The following GPR149 variants were observed in gnomAD, a reference collection of about 807,000 sequenced individuals.
GPR149 encodes probable G protein-coupled receptor 149.
A neutral mutation model predicts 50.2 loss-of-function variants in GPR149; 50 were observed. The observed-to-expected ratio is 1.00, with a 90% CI of 0.79 to 1.26. The LOEUF is 1.26. GPR149 is among the 50% of genes most tolerant of loss of function. GPR149 has a pLI of 0.00. For synonymous variants in GPR149, 405 were observed against 358.2 expected (o/e 1.13, Z -1.48); for missense variants, 983 against 895.4 (o/e 1.10, Z -1.25).
intron 3 of GPR149, among the ~76,000 whole-genome samples, chr3:154,398,363 C>A (rs1409628810): frequency 1.3e-5 from 2 of 152,112 alleles, no homozygotes; most frequent in African/African-American, 4.8e-5. Flanking sequence ...AATATCTTGA[C>A]TTTCTGAAAC....
chr3:154,375,216 T>C lies in GPR149; in HGVS notation c.1624-36945A>G, dbSNP rs1342404513. On this transcript the variant is annotated intron_variant, in intron 3 of 3. Coordinates refer to ENST00000389740, the MANE Select transcript of GPR149 (RefSeq NM_001038705.3). ...ATAGGAAACATTACCTTCAAAAATT[T>C]AACAAATGATTTGAGGACACTTTGT... 2.2e-4 allele frequency among the ~76,000 whole-genome samples: 33 copies of C among 152,190 alleles called. 1 individual carries two copies. The highest frequency in any genetic ancestry group is 5.9e-5 in the Non-Finnish European group (4 of 68,030).
chr3:154,345,309 C>A (rs1218497605), intron 3 of GPR149, among the ~76,000 whole-genome samples: 1 of 152,108 alleles, frequency 6.6e-6, no homozygotes, highest in Non-Finnish European at 1.5e-5. Context: ...ACAAGTACAT[C>A]AGAAGGTCAT....
chr3:154,393,552 T>C (rs986546737), intron 3 of GPR149, among the ~76,000 whole-genome samples: 1 of 151,970 alleles, frequency 6.6e-6, no homozygotes, highest in African/African-American at 2.4e-5. Flanking sequence ...CTACTTTTAT[T>C]CAGCATAGTA....
intron 3 of GPR149, among the ~76,000 whole-genome samples, chr3:154,340,809 C>T (rs1713773609): frequency 6.6e-6 from 1 of 152,130 alleles, no homozygotes; most frequent in South Asian, 2.1e-4. Context: ...GCAACCTCCA[C>T]CTCCTGGGTT....
chr3:154,427,388 C>A, intron 2 of GPR149, 128 bp downstream of exon 2: 1 of 667,764 alleles, frequency 1.5e-6, no homozygotes, highest in Non-Finnish European at 2.5e-6. Flanking sequence ...AATTTCTTCT[C>A]ACTATTTACC....
chr3:154,393,309 C>G (rs549724630), intron 3 of GPR149, among the ~76,000 whole-genome samples: 9 of 151,976 alleles, frequency 5.9e-5, no homozygotes, highest in Non-Finnish European at 1.0e-4. Context: ...ATACACCACA[C>G]TGACAGAATA....
chr3:154,369,278 G>GT (rs1394334528), intron 3 of GPR149, among the ~76,000 whole-genome samples: 4 of 152,184 alleles, frequency 2.6e-5, no homozygotes, highest in Non-Finnish European at 1.5e-5. Context: ...CCTTGCCACA[G>GT]TATTCCTTAC....
intron 2 of GPR149, among the ~76,000 whole-genome samples, chr3:154,423,684 A>C (rs962396483): frequency 3.3e-5 from 5 of 151,874 alleles, no homozygotes; most frequent in South Asian, 2.1e-4. Flanking sequence ...AAAACAACAT[A>C]GTTAATAATC....
At chr3:154,355,377 T>G (rs757586212) in intron 3 of GPR149, among the ~76,000 whole-genome samples, 14 of 152,330 alleles carry the variant, frequency 9.2e-5, no homozygotes, top group Non-Finnish European at 1.8e-4. Flanking sequence ...AATTCATACT[T>G]TTTAGCCCTG....
At chr3:154,339,195 C>T (rs1713725278) in intron 3 of GPR149, among the ~76,000 whole-genome samples, 2 of 152,120 alleles carry the variant, frequency 1.3e-5, no homozygotes, top group Admixed American at 6.6e-5. Context: ...GGTAACTTGT[C>T]AGAAATACAG....
At chr3:154,378,344 T>G (rs1714841471) in intron 3 of GPR149, among the ~76,000 whole-genome samples, 1 of 152,124 alleles carries the variant, frequency 6.6e-6, no homozygotes, top group Admixed American at 6.5e-5. Context: ...TCTGCCCACC[T>G]TGGGCTCCCA....
At chr3:154,340,067 C>A (rs1385667839) in intron 3 of GPR149, among the ~76,000 whole-genome samples, 1 of 152,058 alleles carries the variant, frequency 6.6e-6, no homozygotes, top group East Asian at 1.9e-4. Context: ...GCTGGGATTA[C>A]AGGCATGAGC....
At position 154,355,510 on chromosome 3, in the gene GPR149, G is replaced by A. The variant is rs72998635; in HGVS notation, c.1624-17239C>T. On this transcript the variant is annotated intron_variant, in intron 3 of 3. Coordinates refer to ENST00000389740, the MANE Select transcript of GPR149 (RefSeq NM_001038705.3). ...TTTCATTCTCTGTTCTAATAGAAAC[G>A]AAACCTCTAGTTTTATCTCTTAGAA... Among the ~76,000 whole-genome samples the A allele has an allele frequency of 5.7e-3, 874 of 152,246 alleles. 12 individuals are homozygous for A. The highest frequency in any genetic ancestry group is 0.02 in the African/African-American group (814 of 41,546).
chr3:154,338,798 C>T (rs1171201105), intron 3 of GPR149, among the ~76,000 whole-genome samples: 2 of 151,980 alleles, frequency 1.3e-5, no homozygotes, highest in Admixed American at 6.6e-5. Context: ...GCATACATAA[C>T]AGGAACCGAA....
chr3:154,427,317 TTC>T (rs1712330881), intron 2 of GPR149, among the ~76,000 whole-genome samples, 197 bp downstream of exon 2: 1 of 152,136 alleles, frequency 6.6e-6, no homozygotes, highest in African/African-American at 2.4e-5. Context: ...CATGGGGTTT[TTC>T]AAAACCAGCT....
At chr3:154,341,347 A>T in intron 3 of GPR149, among the ~76,000 whole-genome samples, 1 of 132,850 alleles carries the variant, frequency 7.5e-6, no homozygotes, top group East Asian at 2.5e-4. Flanking sequence ...ATATAAAATG[A>T]GTAGGAAGAG....
chr3:154,358,182 C>T (rs971952686), intron 3 of GPR149, among the ~76,000 whole-genome samples: 1 of 152,000 alleles, frequency 6.6e-6, no homozygotes, highest in Non-Finnish European at 1.5e-5. Context: ...GGATATATAC[C>T]TAATGTTAAA....
intron 3 of GPR149, among the ~76,000 whole-genome samples, chr3:154,385,402 GT>G (rs1188358772): frequency 2.0e-5 from 3 of 152,174 alleles, no homozygotes; most frequent in Non-Finnish European, 4.4e-5. Flanking sequence ...GGGTACAAAT[GT>G]TTTGTAAAAT....
chr3:154,390,601 T>C (rs879490036), intron 3 of GPR149, among the ~76,000 whole-genome samples: 3 of 151,958 alleles, frequency 2.0e-5, no homozygotes, highest in Non-Finnish European at 4.4e-5. Context: ...ATACACATTA[T>C]GGGAGTGTAA....
Sources: allele counts gnomAD v4.1 joint callset (sites outside exome capture counted in the v4.1 genomes callset), GRCh38; gene constraint gnomAD v4.1.1; transcripts MANE v1.5; gene names NCBI Gene and HGNC (gene_info 2026-07-23, HGNC 2026-07-21).